Variants in SHANK2 observed in about 807,000 individuals in gnomAD.
The protein encoded by SHANK2 is SH3 and multiple ankyrin repeat domains 2.
A neutral mutation model predicts 133.7 loss-of-function variants in SHANK2; 43 were observed. The ratio of observed to expected loss-of-function variants is 0.32; its 90% CI spans 0.25 to 0.41. The LOEUF (loss-of-function observed/expected upper bound fraction) is 0.41. SHANK2 is among the 10% of genes least tolerant of loss of function. The pLI is 1.00. For synonymous variants in SHANK2, 1,017 were observed against 952.8 expected, an observed-to-expected ratio of 1.07 and a Z score of -1.24; for missense variants, 1,994 against 2,235.8, an observed-to-expected ratio of 0.89 and a Z score of 2.18.
chr11:70,668,849 G>C (rs1253982569), intron 15 of SHANK2: 1 of 152,340 alleles, frequency 6.6e-6, no homozygotes, highest in Non-Finnish European at 1.5e-5. Flanking sequence ...GGGAGGGCAG[G>C]AGCAGCTGAC....
intron 9 of SHANK2, among the ~76,000 whole-genome samples, chr11:71,073,598 G>T (rs1179548030): frequency 3.9e-5 from 6 of 152,098 alleles, no homozygotes; most frequent in African/African-American, 1.4e-4. Flanking sequence ...CTCCTGAGTA[G>T]CTGGGACCAC....
chr11:70,507,133 G>A (rs1338656481), intron 17 of SHANK2, among the ~76,000 whole-genome samples: 1 of 152,246 alleles, frequency 6.6e-6, no homozygotes, highest in East Asian at 1.9e-4. Flanking sequence ...ATCCTCCCCT[G>A]CTGTTAGCTG....
intron 2 of SHANK2, among the ~76,000 whole-genome samples, chr11:71,161,675 T>G (rs1953021793): frequency 6.6e-6 from 1 of 152,232 alleles, no homozygotes; most frequent in Non-Finnish European, 1.5e-5. Context: ...TGACTCCACT[T>G]TGTGTTGTCC....
chr11:70,559,470 C>G (rs61885898), intron 17 of SHANK2, among the ~76,000 whole-genome samples: 4,076 of 152,232 alleles, frequency 0.027, 77 homozygotes, highest in Middle Eastern at 0.078. Context: ...TTTTTCACCT[C>G]AAATCACTTA....
intron 11 of SHANK2, among the ~76,000 whole-genome samples, chr11:70,822,830 C>T (rs10736815): frequency 0.97 from 17,430 of 17,982 alleles, 8,468 homozygotes; most frequent in East Asian, 0.99. Flanking sequence ...GCTGGCAGAG[C>T]TCATGGGGGT....
intron 11 of SHANK2, among the ~76,000 whole-genome samples, chr11:70,890,836 C>T (rs538784931): frequency 3.4e-5 from 5 of 148,100 alleles, no homozygotes; most frequent in South Asian, 4.3e-4. Flanking sequence ...TGGTGGCAGG[C>T]GCCTGTAATC....
intron 11 of SHANK2, among the ~76,000 whole-genome samples, chr11:70,867,107 C>T (rs1334946789): frequency 1.5e-5 from 2 of 137,740 alleles, no homozygotes; most frequent in Admixed American, 7.6e-5. Context: ...GAATCCAATT[C>T]GGTGTATTTA....
At chr11:70,667,928 C>G (rs567947187) in intron 15 of SHANK2, 1 of 152,340 alleles carries the variant, frequency 6.6e-6, no homozygotes, top group South Asian at 2.1e-4. Flanking sequence ...TTAGTTCTTC[C>G]GTGACCAGCT....
At chr11:70,908,045 G>A in intron 10 of SHANK2, 1 of 393,174 alleles carries the variant, frequency 2.5e-6, no homozygotes, top group Non-Finnish European at 5.2e-6. Flanking sequence ...AGGTTGCAGT[G>A]AGCCGGGATC....
In SHANK2 at chr11:70,573,349, C is replaced by T. The variant is rs1006743425; in HGVS notation, c.2062-70418G>A. ...GGGGGGGGCGGGGGCAGGAGCAAGC[C>T]GGCTGGTGGATGGACTTGTCACCTT... is the stretch of plus-strand genomic sequence containing the variant. On this transcript the variant is annotated intron_variant, in intron 17 of 25. Coordinates refer to ENST00000601538, the MANE Select transcript of SHANK2 (RefSeq NM_012309.5). Among the ~76,000 whole-genome samples, 263 of 143,776 alleles carry T rather than the reference C, an allele frequency of 1.8e-3. 1 individual carries two copies. Among genetic ancestry groups the T allele is most frequent in the Non-Finnish European group, 3.4e-3 (220 of 65,620 alleles). 94.3% of individuals were successfully genotyped at this position (143,776 alleles called of 152,430 possible). A position where few individuals can be genotyped will look rare whatever the true frequency, so the allele number is the denominator to read the frequency against.
At position 70,499,677 on chromosome 11, in the gene SHANK2, A is replaced by G. The variant is rs567945846; in HGVS notation, c.2308+893T>C. Among the ~76,000 whole-genome samples the G allele has an allele frequency of 3.3e-5, 5 of 152,300 alleles. No homozygotes were observed. The East Asian group carries it at 7.7e-4, about 24-fold the overall frequency. ...AGGGTATTCTGTACCCCGGGTGTCC[A>G]CCACATCCTCGGCGCAGCAGTGGGG... On this transcript the variant is annotated intron_variant, in intron 21 of 25. Coordinates refer to ENST00000601538, the MANE Select transcript of SHANK2 (RefSeq NM_012309.5).
At chr11:71,168,486 A>G (rs1451046900) in intron 2 of SHANK2, among the ~76,000 whole-genome samples, 7 of 151,732 alleles carry the variant, frequency 4.6e-5, no homozygotes, top group South Asian at 2.1e-4. Context: ...CTGGGAGGTG[A>G]AGGTTGTAGC....
At chr11:71,109,640 G>A (rs1951860435) in intron 6 of SHANK2, among the ~76,000 whole-genome samples, 1 of 152,240 alleles carries the variant, frequency 6.6e-6, no homozygotes, top group Admixed American at 6.5e-5. Context: ...TGTGCCCAAG[G>A]CTGGCACAAC....
intron 17 of SHANK2, among the ~76,000 whole-genome samples, chr11:70,580,534 TGG>T (rs1441453803): frequency 2.6e-5 from 4 of 152,246 alleles, no homozygotes; most frequent in Non-Finnish European, 5.9e-5. Flanking sequence ...CTGGGCAGTC[TGG>T]GTCTGCTCGG....
intron 6 of SHANK2, among the ~76,000 whole-genome samples, chr11:71,096,711 A>G (rs1389167139): frequency 5.3e-5 from 8 of 152,212 alleles, no homozygotes; most frequent in Non-Finnish European, 7.3e-5. Context: ...TTAGCCTTCA[A>G]AACAGTTAGG....
intron 2 of SHANK2, among the ~76,000 whole-genome samples, chr11:71,208,072 A>G (rs1954165610): frequency 6.6e-6 from 1 of 152,196 alleles, no homozygotes; most frequent in South Asian, 2.1e-4. Context: ...CCACACATGA[A>G]GAAAACCACA....
intron 17 of SHANK2, among the ~76,000 whole-genome samples, chr11:70,533,172 G>A (rs1165401598): frequency 6.6e-6 from 1 of 152,192 alleles, no homozygotes; most frequent in Non-Finnish European, 1.5e-5. Context: ...AGAAGGTGAT[G>A]GTTGCACACC....
At chr11:71,204,449 C>T (rs1012212122) in intron 2 of SHANK2, among the ~76,000 whole-genome samples, 13 of 152,106 alleles carry the variant, frequency 8.5e-5, no homozygotes, top group African/African-American at 3.1e-4. Context: ...GAAGGGACCC[C>T]ATGGACACGT....
chr11:70,760,408 ACT>A (rs1437022327), intron 14 of SHANK2, among the ~76,000 whole-genome samples: 1 of 152,192 alleles, frequency 6.6e-6, no homozygotes, highest in African/African-American at 2.4e-5. Context: ...CTGACATGTG[ACT>A]TTCTGCTCCC....
Sources: gnomAD v4.1 joint callset for allele counts (sites outside exome capture counted in the v4.1 genomes callset) on GRCh38, gnomAD v4.1.1 for gene constraint, MANE v1.5 for transcripts, NCBI Gene and HGNC (gene_info 2026-07-23, HGNC 2026-07-21) for gene names.